The following BNIP2 variants were observed in gnomAD, a reference collection of about 807,000 sequenced individuals.
The protein encoded by BNIP2 is BCL2/adenovirus E1B 19 kDa protein-interacting protein 2.
BNIP2 carries 36 observed loss-of-function variants against 43.4 expected under a neutral mutation model. That is an observed-to-expected ratio of 0.83 (90% CI 0.64 to 1.10). The LOEUF (loss-of-function observed/expected upper bound fraction) is 1.10, where lower values mean the gene tolerates loss of function less well. Among genes scored for constraint, BNIP2 ranks in the 50% least tolerant of loss-of-function variants. The pLI, the probability that BNIP2 is intolerant of heterozygous loss-of-function variation, is 0.00. For synonymous variants in BNIP2, 146 were observed against 121.0 expected (o/e 1.21, Z -1.35); for missense variants, 417 against 374.1 (o/e 1.11, Z -0.95).
intron 5 of BNIP2, 121 bp from the exon 6 acceptor site, chr15:59,672,860 AATGT>A: frequency 1.5e-6 from 1 of 650,316 alleles, no homozygotes; most frequent in Non-Finnish European, 2.6e-6. Flanking sequence ...TTCTGTATTA[AATGT>A]ATGTTTTGTA....
chr15:59,686,129 T>G (rs1893999260), intron 1 of BNIP2, among the ~76,000 whole-genome samples: 1 of 152,200 alleles, frequency 6.6e-6, no homozygotes, highest in African/African-American at 2.4e-5. Flanking sequence ...TGACCTTAGG[T>G]TAAAAATCAA....
At chr15:59,670,463 C>T (rs1169958072) in intron 7 of BNIP2, among the ~76,000 whole-genome samples, 2 of 152,174 alleles carry the variant, frequency 1.3e-5, no homozygotes, top group Non-Finnish European at 1.5e-5. Context: ...ATAAAACATG[C>T]TAAGCACTAT....
At chr15:59,686,888 T>C (rs1211305042) in intron 1 of BNIP2, among the ~76,000 whole-genome samples, 1 of 152,094 alleles carries the variant, frequency 6.6e-6, no homozygotes, top group Non-Finnish European at 1.5e-5. Context: ...GTGGTGGCAC[T>C]GGCCTGTAAT....
At position 59,680,292 on chromosome 15, in the gene BNIP2, C is replaced by T; in HGVS notation, c.67G>A (p.Asp23Asn). Residue 23 changes from aspartate (D) to asparagine (N), a missense_variant, in exon 3 of 10, where the codon GAT becomes AAT. Asp to Asn is a conservative substitution (Grantham distance 23, BLOSUM62 1). Transcript: ENST00000607373. ...EDFPIPLPED[D>N]SIEADILAIT... ...GCTAGTATATCTGCTTCAATACTAT[C>T]ATCTTCTGGTAAAGGTCTAGAAGAC... 1 of 1,602,156 alleles carries T rather than the reference C, an allele frequency of 6.2e-7. No homozygotes were observed. Among genetic ancestry groups the T allele is most frequent in the Non-Finnish European group, 8.5e-7 (1 of 1,173,458 alleles).
chr15:59,684,856 A>C (rs979367623), intron 1 of BNIP2, among the ~76,000 whole-genome samples: 1 of 152,208 alleles, frequency 6.6e-6, no homozygotes, highest in Non-Finnish European at 1.5e-5. Flanking sequence ...AGAAACTGAA[A>C]GTTGTACCCA....
At chr15:59,678,213 T>A in intron 4 of BNIP2, 126 bp from the exon 5 acceptor site, 1 of 1,392,452 alleles carries the variant, frequency 7.2e-7, no homozygotes, top group Non-Finnish European at 9.3e-7. Flanking sequence ...ATTTTCAATC[T>A]CTCTTCCATA....
At position 59,661,938 on chromosome 15, in the gene BNIP2, C is replaced by A. The variant is rs975804213; in HGVS notation, c.*2131G>T. 14 of 152,130 alleles carry A rather than the reference C, an allele frequency of 9.2e-5. No homozygotes were observed. Among genetic ancestry groups the A allele is most frequent in the Non-Finnish European group, 1.0e-4 (7 of 68,002 alleles). 9.4% of individuals were successfully genotyped at this position (152,130 alleles called of 1,614,324 possible). A position where few individuals can be genotyped will look rare whatever the true frequency, so the allele number is the denominator to read the frequency against. On this transcript the variant is annotated 3_prime_UTR_variant, in exon 10 of 10. Coordinates refer to ENST00000607373, the MANE Select transcript of BNIP2 (RefSeq NM_004330.4). Reference sequence around the variant, plus strand: ...CCCTTTAGTTTACTGATTCACAGCACCTCATTTTCATTATATCCCAGGTGT... The same window carrying A: ...CCCTTTAGTTTACTGATTCACAGCAACTCATTTTCATTATATCCCAGGTGT...
chr15:59,672,829 AAG>A (rs1893020732), intron 5 of BNIP2, 90 bp from the exon 6 acceptor site: 1 of 873,582 alleles, frequency 1.1e-6, no homozygotes, highest in South Asian at 1.7e-5. Flanking sequence ...AATTATAAAT[AAG>A]AGTTTACTTT....
intron 6 of BNIP2, chr15:59,672,334 C>T (rs1296797809): frequency 1.4e-5 from 3 of 212,630 alleles, no homozygotes; most frequent in Non-Finnish European, 2.8e-5. Flanking sequence ...AGTGCAGTGG[C>T]AAAATCACAG....
chr15:59,679,798 G>A (rs551387993), intron 3 of BNIP2, 30 bp from the exon 4 acceptor site: 21 of 1,446,560 alleles, frequency 1.5e-5, no homozygotes, highest in South Asian at 4.7e-5. Context: ...AAAAAGATAC[G>A]TAACAAGGAA....
Position 59,664,061 on chromosome 15 carries a change from T to C in BNIP2, c.*8A>G, listed in dbSNP as rs982849319. 4.5e-6 allele frequency: 7 copies of C among 1,545,514 alleles called. No individual in the cohort carries two copies. In the East Asian group the frequency reaches 1.4e-4, roughly 32 times the overall value. ...ATTCTTCAGTCTTGTTTGGACTAGA[T>C]GCCAAACTTACTGTTCATTTTTCGG... On this transcript the variant is annotated 3_prime_UTR_variant, in exon 10 of 10. Coordinates refer to ENST00000607373, the MANE Select transcript of BNIP2 (RefSeq NM_004330.4).
Position 59,682,508 on chromosome 15 carries a change from C to T in BNIP2, c.-51G>A. 1 of 1,611,034 alleles carries T rather than the reference C, an allele frequency of 6.2e-7. No individual in the cohort carries two copies. The highest frequency in any genetic ancestry group is 8.5e-7 in the Non-Finnish European group (1 of 1,178,870). On this transcript the variant is annotated 5_prime_UTR_variant, in exon 2 of 10. Coordinates refer to ENST00000607373, the MANE Select transcript of BNIP2 (RefSeq NM_004330.4). ...ACAAACTCTTGATAATCCAGGGAGCCAATGTCCTATGAAGAGAGAAAAATG... is the reference window on the plus strand; with the variant it reads ...ACAAACTCTTGATAATCCAGGGAGCTAATGTCCTATGAAGAGAGAAAAATG...
chr15:59,688,864 G>A (rs1204332348), intron 1 of BNIP2: 3 of 1,471,304 alleles, frequency 2.0e-6, no homozygotes, highest in South Asian at 2.5e-5. Context: ...GTTCCATCCC[G>A]AGCACAACTA....
intron 1 of BNIP2, chr15:59,688,575 A>G (rs940514119): frequency 1.2e-5 from 10 of 841,918 alleles, no homozygotes; most frequent in Admixed American, 2.6e-5. Context: ...CCATTTTGCC[A>G]GGTATTTAAA....
At chr15:59,672,511 A>AT (rs1892996403) in intron 6 of BNIP2, 126 bp downstream of exon 6, 2 of 642,440 alleles carry the variant, frequency 3.1e-6, no homozygotes, top group African/African-American at 3.7e-5. Context: ...GACTCAAGTG[A>AT]TCTGCCCACT....
intron 5 of BNIP2, among the ~76,000 whole-genome samples, chr15:59,673,764 A>G (rs900351725): frequency 6.6e-6 from 1 of 152,202 alleles, no homozygotes; most frequent in Non-Finnish European, 1.5e-5. Context: ...ATATTTAAAA[A>G]TGCTAGCATT....
chr15:59,669,624 A>G (rs1327972132), intron 7 of BNIP2, among the ~76,000 whole-genome samples: 1 of 152,202 alleles, frequency 6.6e-6, no homozygotes, highest in East Asian at 1.9e-4. Context: ...ATACACATTC[A>G]CTTGTCTTCA....
At chr15:59,667,969 T>C in intron 9 of BNIP2, 1 of 485,298 alleles carries the variant, frequency 2.1e-6, no homozygotes, top group South Asian at 2.4e-5. Context: ...TCACCCTGTA[T>C]TTGGAAGTTG....
chr15:59,680,866 G>A (rs1893623669), intron 2 of BNIP2, among the ~76,000 whole-genome samples: 1 of 152,140 alleles, frequency 6.6e-6, no homozygotes, highest in Non-Finnish European at 1.5e-5. Flanking sequence ...CAAAGCACTA[G>A]GATTATAGGC....
Sources: allele counts gnomAD v4.1 joint callset (sites outside exome capture counted in the v4.1 genomes callset), GRCh38; gene constraint gnomAD v4.1.1; transcripts MANE v1.5; gene names NCBI Gene and HGNC (gene_info 2026-07-23, HGNC 2026-07-21).